Variants in AFF1 observed in about 807,000 individuals in gnomAD.
AFF1 encodes ALF transcription elongation factor 1.
AFF1 carries 48 observed loss-of-function variants against 121.7 expected under a neutral mutation model. The ratio of observed to expected loss-of-function variants is 0.39; its 90% CI spans 0.31 to 0.50. AFF1 has a LOEUF of 0.50. AFF1 is among the 20% of genes least tolerant of loss of function. AFF1 has a pLI of 0.76. For missense variants in AFF1, 1,523 were observed against 1,511.7 expected (o/e 1.01, Z -0.12); for synonymous variants, 613 against 563.0 (o/e 1.09, Z -1.26).
chr4:87,079,767 C>T (rs1255931376), intron 4 of AFF1, among the ~76,000 whole-genome samples: 1 of 152,130 alleles, frequency 6.6e-6, no homozygotes, highest in Non-Finnish European at 1.5e-5. Flanking sequence ...ACTCCAAAAG[C>T]ATGTCTCCTC....
rs961377080 is a variant in AFF1 at position 86,976,174 on chromosome 4, C to CT, written c.38+27604dup. Among the ~76,000 whole-genome samples, 54 of 152,088 alleles carry CT rather than the reference C, an allele frequency of 3.6e-4. 1 individual carries two copies. Among genetic ancestry groups the CT allele is most frequent in the Admixed American group, 2.2e-3 (33 of 15,268 alleles). On this transcript the variant is annotated intron_variant, in intron 2 of 20. Coordinates refer to ENST00000395146, the MANE Select transcript of AFF1 (RefSeq NM_001166693.3). ...AGTGGAAGGATGTGGGGAGGGTTGGCTGTAGGGCTTTCCATGCAGAAGCAC... is the reference window on the plus strand; with the variant it reads ...AGTGGAAGGATGTGGGGAGGGTTGGCTTGTAGGGCTTTCCATGCAGAAGCAC...
chr4:87,047,393 C>G lies in AFF1; in HGVS notation c.858C>G (p.Leu286=). The part of the protein sequence containing the change: ...PPSQTFPPPS[L]PSKSVAMQQK... ...CTCAGACATTTCCACCTCCCTCCCT[C>G]CCCTCAAAAAGTGTTGCAATGCAGC... Residue 286 remains leucine, a synonymous_variant, in exon 4 of 21, where the codon CTC becomes CTG. Transcript: ENST00000395146. The G allele has an allele frequency of 5.6e-6, 9 of 1,614,194 alleles. No individual in the cohort carries two copies. Among genetic ancestry groups the G allele is most frequent in the Non-Finnish European group, 7.6e-6 (9 of 1,180,036 alleles).
chr4:86,954,176 A>G (rs1419215251), intron 2 of AFF1, among the ~76,000 whole-genome samples: 2 of 152,202 alleles, frequency 1.3e-5, no homozygotes, highest in African/African-American at 4.8e-5. Context: ...TGATTTAAAT[A>G]TAATCATATA....
intron 1 of AFF1, among the ~76,000 whole-genome samples, chr4:86,937,795 G>A (rs1161737281): frequency 4.3e-4 from 1 of 2,350 alleles, no homozygotes; most frequent in Non-Finnish European, 0.062. Context: ...GGGTGGGGGT[G>A]GGGGGCTCCC....
intron 2 of AFF1, among the ~76,000 whole-genome samples, chr4:87,028,799 C>T (rs565221759): frequency 3.1e-4 from 47 of 152,312 alleles, no homozygotes. Context: ...AAATCATTCC[C>T]TGCCACTCTA....
At chr4:87,133,747 G>A (rs1394679118) in intron 19 of AFF1, among the ~76,000 whole-genome samples, 2 of 152,190 alleles carry the variant, frequency 1.3e-5, no homozygotes, top group African/African-American at 2.4e-5. Context: ...GGCTACTGCC[G>A]CTGAACCATC....
intron 4 of AFF1, among the ~76,000 whole-genome samples, chr4:87,071,484 T>TA (rs1377823589): frequency 6.6e-6 from 1 of 152,178 alleles, no homozygotes; most frequent in Non-Finnish European, 1.5e-5. Context: ...GTATGCCAGT[T>TA]AAAGAAATTC....
intron 8 of AFF1, among the ~76,000 whole-genome samples, chr4:87,096,535 T>TTTTTTC (rs1244800833): frequency 2.6e-5 from 4 of 151,498 alleles, no homozygotes; most frequent in East Asian, 1.9e-4. Context: ...CTTAGCCTCT[T>TTTTTTC]TTTTTCTTTT....
intron 4 of AFF1, among the ~76,000 whole-genome samples, chr4:87,080,803 A>G (rs1444032039): frequency 6.6e-6 from 1 of 152,128 alleles, no homozygotes; most frequent in African/African-American, 2.4e-5. Flanking sequence ...TTTCCCTGTA[A>G]ACAAATCCAA....
At chr4:87,082,230 A>G (rs1723250660) in intron 4 of AFF1, among the ~76,000 whole-genome samples, 1 of 152,158 alleles carries the variant, frequency 6.6e-6, no homozygotes, top group Non-Finnish European at 1.5e-5. Context: ...TTATTTTTCT[A>G]ATGATCCATG....
At chr4:86,993,332 T>C (rs1297020700) in intron 2 of AFF1, among the ~76,000 whole-genome samples, 3 of 152,198 alleles carry the variant, frequency 2.0e-5, no homozygotes, top group South Asian at 2.1e-4. Context: ...TTACTGATCA[T>C]TGTGGCTTGC....
At chr4:87,047,662 G>A in intron 4 of AFF1, 68 bp downstream of exon 4, 1 of 1,602,330 alleles carries the variant, frequency 6.2e-7, no homozygotes, top group Non-Finnish European at 8.5e-7. Flanking sequence ...ATGTCCGGAG[G>A]ATGTGGGGCA....
intron 4 of AFF1, among the ~76,000 whole-genome samples, chr4:87,081,490 A>T (rs1723175215): frequency 6.6e-6 from 1 of 152,150 alleles, no homozygotes; most frequent in Admixed American, 6.5e-5. Context: ...AGAAAAAAGT[A>T]TGTATGTTGA....
intron 1 of AFF1, among the ~76,000 whole-genome samples, chr4:86,941,154 C>T (rs543992784): frequency 1.3e-5 from 2 of 152,182 alleles, no homozygotes; most frequent in South Asian, 4.1e-4. Context: ...AACATGCTGC[C>T]CTTAGTGCTA....
chr4:86,998,189 G>T (rs1311642084), intron 2 of AFF1, among the ~76,000 whole-genome samples: 1 of 151,500 alleles, frequency 6.6e-6, no homozygotes, highest in Non-Finnish European at 1.5e-5. Context: ...ATGGAACAGG[G>T]CTCTATTTTA....
At position 87,126,176 on chromosome 4, in the gene AFF1, C is replaced by T. The variant is rs144038967; in HGVS notation, c.2651C>T (p.Pro884Leu). 6,684 of 1,614,168 alleles carry T rather than the reference C, an allele frequency of 4.1e-3. 22 individuals carry two copies. Among genetic ancestry groups the T allele is most frequent in the Admixed American group, 8.9e-3 (536 of 60,024 alleles). Residue 884 changes from proline (P) to leucine (L), a missense_variant, in exon 14 of 21, where the codon CCA becomes CTA. By Grantham distance (98) the Pro-to-Leu change is moderately conservative (BLOSUM62 -3). Transcript: ENST00000395146. ...CCCGTGTCCTCGTCCTCCCAGAAGC[C>T]AGCCAAGCCTGCACTTAAGAGGTCA... ...PPPVSSSSQK[P>L]AKPALKRSRR...
chr4:87,129,818 G>T (rs958606661), intron 16 of AFF1, among the ~76,000 whole-genome samples: 1 of 152,152 alleles, frequency 6.6e-6, no homozygotes, highest in Non-Finnish European at 1.5e-5. Flanking sequence ...AAGTCATTCT[G>T]TTGTCAGCTC....
chr4:87,077,254 C>T lies in AFF1; in HGVS notation c.1060-6866C>T, dbSNP rs544376639. On this transcript the variant is annotated intron_variant, in intron 4 of 20. Transcript: ENST00000395146. ...CTTCAGAGCAAGTCCTGTGGCAACT[C>T]GAGTTCCATTAGGGAAGGCTGACTG... 9.2e-5 allele frequency among the ~76,000 whole-genome samples: 14 copies of T among 152,094 alleles called. No homozygotes were observed. The East Asian group carries it at 2.7e-3, about 29-fold the overall frequency.
chr4:87,037,922 C>A (rs1336966398), intron 2 of AFF1, among the ~76,000 whole-genome samples: 3 of 152,050 alleles, frequency 2.0e-5, no homozygotes, highest in African/African-American at 4.8e-5. Flanking sequence ...GTTATGTGGG[C>A]AGTGTTTTCA....
Sources: gnomAD v4.1 joint callset for allele counts (sites outside exome capture counted in the v4.1 genomes callset) on GRCh38, gnomAD v4.1.1 for gene constraint, MANE v1.5 for transcripts, NCBI Gene and HGNC (gene_info 2026-07-23, HGNC 2026-07-21) for gene names.